Variants in KLHL1 observed in about 807,000 individuals in gnomAD.
KLHL1 encodes the protein kelch like family member 1, also known as kelch-like protein 1.
In KLHL1, 47 loss-of-function variants were observed where a neutral mutation model predicts 77.7. That is an observed-to-expected ratio of 0.60 (90% CI 0.48 to 0.77). KLHL1 has a LOEUF of 0.77. KLHL1 is among the 30% of genes least tolerant of loss of function. The pLI, the probability that KLHL1 is intolerant of heterozygous loss-of-function variation, is 0.00. For synonymous variants in KLHL1, 360 were observed against 325.2 expected (o/e 1.11, Z -1.15); for missense variants, 925 against 910.8 (o/e 1.02, Z -0.20).
intron 5 of KLHL1, among the ~76,000 whole-genome samples, chr13:69,858,117 G>A (rs564340425): frequency 6.6e-6 from 1 of 152,162 alleles, no homozygotes; most frequent in Admixed American, 6.6e-5. Flanking sequence ...AGACATCAGT[G>A]GGCACCAGCA....
At chr13:69,954,096 C>A (rs1479946093) in intron 3 of KLHL1, among the ~76,000 whole-genome samples, 2 of 151,206 alleles carry the variant, frequency 1.3e-5, no homozygotes, top group Non-Finnish European at 3.0e-5. Context: ...AGAGATATTT[C>A]AAGTACTTAA....
intron 4 of KLHL1, among the ~76,000 whole-genome samples, chr13:69,935,003 TATTATC>T (rs1883135112): frequency 1.4e-5 from 2 of 147,606 alleles, no homozygotes; most frequent in Non-Finnish European, 3.0e-5. Context: ...TATATATACA[TATTATC>T]ATTATAAAGT....
At chr13:70,004,286 A>G (rs1413249848) in intron 1 of KLHL1, among the ~76,000 whole-genome samples, 3 of 151,886 alleles carry the variant, frequency 2.0e-5, no homozygotes, top group Admixed American at 6.6e-5. Context: ...TAGGACCTCA[A>G]ATAAATAAAG....
At chr13:69,734,067 C>CTG (rs1446403142) in intron 8 of KLHL1, among the ~76,000 whole-genome samples, 2 of 151,984 alleles carry the variant, frequency 1.3e-5, no homozygotes, top group Non-Finnish European at 2.9e-5. Flanking sequence ...CAGCCCAGTG[C>CTG]TGGAGGTGGG....
At chr13:69,805,165 CATT>C in intron 6 of KLHL1, among the ~76,000 whole-genome samples, 1 of 124,608 alleles carries the variant, frequency 8.0e-6, no homozygotes, top group South Asian at 2.5e-4. Context: ...ATTTCTAAAT[CATT>C]ATAATTCCAA....
intron 1 of KLHL1, among the ~76,000 whole-genome samples, chr13:69,996,873 A>C (rs1255406865): frequency 1.3e-5 from 2 of 148,630 alleles, no homozygotes; most frequent in Middle Eastern, 3.6e-3. Flanking sequence ...TGTGTTAAGA[A>C]ATTGCCTTTA....
chr13:70,009,080 T>G (rs1460436156), intron 1 of KLHL1, among the ~76,000 whole-genome samples: 1 of 152,150 alleles, frequency 6.6e-6, no homozygotes, highest in African/African-American at 2.4e-5. Flanking sequence ...TTGAAAAACC[T>G]TATGTATTTA....
intron 8 of KLHL1, among the ~76,000 whole-genome samples, chr13:69,728,649 C>CAAAAAAAAAAAAAAAA (rs536317353): frequency 7.5e-6 from 1 of 132,822 alleles, no homozygotes. Context: ...CTAAAAATGC[C>CAAAAAAAAAAAAAAAA]AAAAAAAAAA....
intron 7 of KLHL1, among the ~76,000 whole-genome samples, chr13:69,770,305 G>A (rs1438488832): frequency 6.6e-6 from 1 of 152,204 alleles, no homozygotes; most frequent in Non-Finnish European, 1.5e-5. Context: ...CAGCCTGCTG[G>A]CCCGAGTGGG....
chr13:69,731,291 C>A (rs573664329), intron 8 of KLHL1, among the ~76,000 whole-genome samples: 1 of 152,228 alleles, frequency 6.6e-6, no homozygotes, highest in African/African-American at 2.4e-5. Context: ...CATATAGAAA[C>A]AATTCCAAGA....
At chr13:69,914,231 C>T (rs1026340952) in intron 4 of KLHL1, among the ~76,000 whole-genome samples, 2 of 152,122 alleles carry the variant, frequency 1.3e-5, no homozygotes, top group Non-Finnish European at 2.9e-5. Context: ...TTAGTTCTGT[C>T]CCTCTAGAGA....
At chr13:70,048,729 G>C (rs1458478590) in intron 1 of KLHL1, among the ~76,000 whole-genome samples, 1 of 152,208 alleles carries the variant, frequency 6.6e-6, no homozygotes, top group Non-Finnish European at 1.5e-5. Flanking sequence ...AGTTCAGGCA[G>C]TGATGCCAGC....
At chr13:69,959,658 C>A (rs1329141968) in intron 3 of KLHL1, among the ~76,000 whole-genome samples, 1 of 103,128 alleles carries the variant, frequency 9.7e-6, no homozygotes, top group Non-Finnish European at 2.3e-5. Context: ...CAACCCGTAA[C>A]TTTTTTTTTT....
rs143745009 is a variant in KLHL1 at position 70,052,454 on chromosome 13, T to TA, written c.497+54748dup. ...GATAATAGCTGAACTACAAGAAAAT[T>TA]AAAAAAAACCCTTATATATTTTATC... On this transcript the variant is annotated intron_variant, in intron 1 of 10. Transcript: ENST00000377844. 4.0e-3 allele frequency among the ~76,000 whole-genome samples: 609 copies of TA among 151,668 alleles called. 6 individuals carry two copies. Among genetic ancestry groups the TA allele is most frequent in the African/African-American group, 0.014 (576 of 41,430 alleles).
intron 4 of KLHL1, among the ~76,000 whole-genome samples, chr13:69,935,263 T>TACTGGTGAACTTGGTACATAGTTCACCC (rs1883149869): frequency 2.2e-5 from 1 of 45,348 alleles, no homozygotes; most frequent in Admixed American, 2.1e-4. Context: ...ATAGTTCACC[T>TACTGGTGAACTTGGTACATAGTTCACCC]ACTGGTGAAC....
intron 6 of KLHL1, among the ~76,000 whole-genome samples, chr13:69,811,649 A>T (rs1001541909): frequency 6.6e-6 from 1 of 152,168 alleles, no homozygotes; most frequent in Non-Finnish European, 1.5e-5. Flanking sequence ...AAGTTACAGA[A>T]ATAAAAGACA....
intron 1 of KLHL1, among the ~76,000 whole-genome samples, chr13:69,984,315 CTG>C (rs1448757005): frequency 1.1e-4 from 16 of 152,086 alleles, no homozygotes; most frequent in African/African-American, 3.6e-4. Flanking sequence ...GATAAGCAAA[CTG>C]GAATCTTGCA....
rs149179434 is a variant in KLHL1, at chr13:69,843,469, A to G, written c.1228-4307T>C. Among the ~76,000 whole-genome samples, 644 of 151,784 alleles carry G rather than the reference A, an allele frequency of 4.2e-3. 4 individuals carry two copies. Among genetic ancestry groups the G allele is most frequent in the African/African-American group, 0.015 (603 of 41,508 alleles). On this transcript the variant is annotated intron_variant, in intron 5 of 10. Transcript: ENST00000377844. ...ATAATTTATATTAAAACGAGTTTCT[A>G]TGCTATCCCTAGTATTTTGATGGCT...
At chr13:70,043,346 C>A (rs1435670935) in intron 1 of KLHL1, among the ~76,000 whole-genome samples, 1 of 152,038 alleles carries the variant, frequency 6.6e-6, no homozygotes, top group Non-Finnish European at 1.5e-5. Context: ...ACTAAGGAGT[C>A]AAAATGCTAA....
Sources: gnomAD v4.1 joint callset for allele counts (sites outside exome capture counted in the v4.1 genomes callset) on GRCh38, gnomAD v4.1.1 for gene constraint, MANE v1.5 for transcripts, NCBI Gene and HGNC (gene_info 2026-07-23, HGNC 2026-07-21) for gene names.